Variants in ZMIZ1 observed in about 807,000 individuals in gnomAD.
ZMIZ1 encodes the protein zinc finger MIZ-type containing 1.
In ZMIZ1, 17 loss-of-function variants were observed where a neutral mutation model predicts 113.9. The ratio of observed to expected loss-of-function variants is 0.15; its 90% CI spans 0.10 to 0.22. ZMIZ1 has a LOEUF of 0.22. ZMIZ1 is among the 10% of genes least tolerant of loss of function. The probability of loss-of-function intolerance (pLI) is 1.00; values close to 1 mark genes in which losing one functional copy is unlikely to be tolerated. For synonymous variants in ZMIZ1, 607 were observed against 603.1 expected, an observed-to-expected ratio of 1.01 and a Z score of -0.09; for missense variants, 1,059 against 1,477.8, an observed-to-expected ratio of 0.72 and a Z score of 4.65.
At chr10:79,306,484 A>G (rs1854707792) in intron 22 of ZMIZ1, 140 bp downstream of exon 22, 5 of 1,413,238 alleles carry the variant, frequency 3.5e-6, no homozygotes, top group Non-Finnish European at 4.8e-6. Flanking sequence ...CCAAAAAACA[A>G]TTCCCAGTTT....
At chr10:79,105,021 T>C (rs904827387) in intron 1 of ZMIZ1, among the ~76,000 whole-genome samples, 4 of 150,634 alleles carry the variant, frequency 2.7e-5, no homozygotes, top group Non-Finnish European at 4.4e-5. Context: ...TTTAAAGCCA[T>C]GGTGGAAAGT....
rs999271584 is a variant in ZMIZ1 at position 79,304,278 on chromosome 10, T to C, written c.2286+103T>C. ...AACAGAGCCTGTCCTAACACTGTCC[T>C]GAAGGACGTCATGGAGATCAGCAGC... is the stretch of plus-strand genomic sequence containing the variant. On this transcript the variant is annotated intron_variant, in intron 19 of 24. Coordinates refer to ENST00000334512, the MANE Select transcript of ZMIZ1 (RefSeq NM_020338.4). 4 of 1,411,482 alleles carry C rather than the reference T, an allele frequency of 2.8e-6. No homozygotes were observed. In the Admixed American group the frequency reaches 9.3e-5, roughly 33 times the overall value. 87.4% of individuals were successfully genotyped at this position (1,411,482 alleles called of 1,614,324 possible).
At chr10:79,100,645 G>A (rs1195189365) in intron 1 of ZMIZ1, among the ~76,000 whole-genome samples, 4 of 152,194 alleles carry the variant, frequency 2.6e-5, no homozygotes, top group African/African-American at 9.7e-5. Flanking sequence ...TAGCTGCAGT[G>A]GCTGCTTGGA....
At chr10:79,207,728 G>A (rs10824728) in intron 5 of ZMIZ1, among the ~76,000 whole-genome samples, 1,748 of 152,262 alleles carry the variant, frequency 0.011, 34 homozygotes, top group African/African-American at 0.04. Flanking sequence ...GTACAGGCAC[G>A]TGTGCTTCCT....
intron 9 of ZMIZ1, 84 bp from the exon 10 acceptor site, chr10:79,290,875 C>G (rs1853446461): frequency 1.3e-6 from 2 of 1,507,434 alleles, no homozygotes; most frequent in Non-Finnish European, 1.8e-6. Flanking sequence ...TGTTCTTTCT[C>G]CCTTTCCCCT....
At chr10:79,098,887 C>T (rs191997236) in intron 1 of ZMIZ1, among the ~76,000 whole-genome samples, 4 of 152,316 alleles carry the variant, frequency 2.6e-5, no homozygotes, top group African/African-American at 7.2e-5. Context: ...CTTCATTTGT[C>T]AGTAGCCCTC....
chr10:79,199,861 C>A (rs1208641611), intron 4 of ZMIZ1, among the ~76,000 whole-genome samples: 1 of 152,192 alleles, frequency 6.6e-6, no homozygotes, highest in Non-Finnish European at 1.5e-5. Flanking sequence ...TCCTTTAAAG[C>A]AATTGGAGGA....
rs146641011 is a variant in ZMIZ1, at chr10:79,242,009, C to T, written c.280+25735C>T. Among the ~76,000 whole-genome samples, 1,080 of 152,174 alleles carry T rather than the reference C, an allele frequency of 7.1e-3. 13 individuals carry two copies. The highest frequency in any genetic ancestry group is 0.025 in the African/African-American group (1,029 of 41,498). ...TGGGGCAGTTAGGTCACCACACAAG[C>T]AACTTTCACAGGCAGGTGGGTGGGG... On this transcript the variant is annotated intron_variant, in intron 7 of 24. Transcript: ENST00000334512.
chr10:79,129,824 G>A (rs991126506), intron 2 of ZMIZ1, among the ~76,000 whole-genome samples: 2 of 152,240 alleles, frequency 1.3e-5, no homozygotes, highest in Non-Finnish European at 2.9e-5. Flanking sequence ...TGGCCCTTCC[G>A]GTGCATTGAT....
intron 1 of ZMIZ1, among the ~76,000 whole-genome samples, chr10:79,106,136 C>T (rs1843547022): frequency 6.6e-6 from 1 of 152,212 alleles, no homozygotes; most frequent in African/African-American, 2.4e-5. Context: ...AACCAAATCC[C>T]CCCACCCCCA....
chr10:79,248,306 C>T (rs1011132641), intron 7 of ZMIZ1, among the ~76,000 whole-genome samples: 1 of 152,168 alleles, frequency 6.6e-6, no homozygotes, highest in African/African-American at 2.4e-5. Flanking sequence ...CTAGTAGCTG[C>T]GAAGGCTTGG....
chr10:79,220,989 G>A (rs1290641026), intron 7 of ZMIZ1, among the ~76,000 whole-genome samples: 1 of 152,156 alleles, frequency 6.6e-6, no homozygotes, highest in African/African-American at 2.4e-5. Context: ...GTGCATGGTT[G>A]TGTACATGTG....
chr10:79,076,130 CCTTT>C (rs1589243998), intron 1 of ZMIZ1, among the ~76,000 whole-genome samples: 1 of 152,352 alleles, frequency 6.6e-6, no homozygotes, highest in Admixed American at 6.5e-5. Context: ...CCTGGTCTGG[CCTTT>C]CCTTTCCTAG....
At chr10:79,184,038 C>T (rs376683414) in intron 4 of ZMIZ1, among the ~76,000 whole-genome samples, 8 of 152,198 alleles carry the variant, frequency 5.3e-5, no homozygotes, top group African/African-American at 1.9e-4. Context: ...CCTCAGGAAA[C>T]GTCGGCCAGC....
chr10:79,116,999 G>GA (rs1304699543), intron 1 of ZMIZ1, among the ~76,000 whole-genome samples: 11 of 152,254 alleles, frequency 7.2e-5, no homozygotes, highest in Non-Finnish European at 1.5e-4. Flanking sequence ...GGGCTCATGT[G>GA]ACTCCAGTCA....
chr10:79,080,622 C>T (rs537938266), intron 1 of ZMIZ1, among the ~76,000 whole-genome samples: 34 of 152,202 alleles, frequency 2.2e-4, no homozygotes, highest in African/African-American at 7.5e-4. Flanking sequence ...GGTGTGATTT[C>T]TTGTTTGGTG....
rs145880715 is a variant in ZMIZ1, at chr10:79,232,891, C to T, written c.280+16617C>T. ...CATCTGTGGAATGGGAACAGCACCACCTGCCCCCTGGGGTTCCAAGCATCC... is the reference window on the plus strand; with the variant it reads ...CATCTGTGGAATGGGAACAGCACCATCTGCCCCCTGGGGTTCCAAGCATCC... On this transcript the variant is annotated intron_variant, in intron 7 of 24. Coordinates refer to ENST00000334512, the MANE Select transcript of ZMIZ1 (RefSeq NM_020338.4). Among the ~76,000 whole-genome samples, 1,018 of 152,290 alleles carry T rather than the reference C, an allele frequency of 6.7e-3. 7 individuals carry two copies. The highest frequency in any genetic ancestry group is 0.023 in the African/African-American group (957 of 41,552).
intron 1 of ZMIZ1, among the ~76,000 whole-genome samples, chr10:79,116,386 C>T (rs1358391961): frequency 6.6e-6 from 1 of 152,138 alleles, no homozygotes; most frequent in Non-Finnish European, 1.5e-5. Context: ...CTTACACACT[C>T]TGGGGAAGAC....
At chr10:79,269,456 A>ACACACACACACACAC (rs1851803859) in intron 7 of ZMIZ1, among the ~76,000 whole-genome samples, 2 of 138,472 alleles carry the variant, frequency 1.4e-5, no homozygotes. Flanking sequence ...ACCTCCCCCC[A>ACACACACACACACAC]ACACACACAC....
Sources: gnomAD v4.1 joint callset for allele counts (sites outside exome capture counted in the v4.1 genomes callset) on GRCh38, gnomAD v4.1.1 for gene constraint, MANE v1.5 for transcripts, NCBI Gene and HGNC (gene_info 2026-07-23, HGNC 2026-07-21) for gene names.